The following ARFIP1 variants were observed in gnomAD, a reference collection of about 807,000 sequenced individuals.
The protein encoded by ARFIP1 is arfaptin-1.
A neutral mutation model predicts 42.5 loss-of-function variants in ARFIP1; 24 were observed. The observed-to-expected ratio is 0.57, with a 90% confidence interval of 0.41 to 0.80. ARFIP1 has a LOEUF of 0.80. ARFIP1 is among the 30% of genes least tolerant of loss of function. The probability of loss-of-function intolerance (pLI) is 0.00; values close to 1 mark genes in which losing one functional copy is unlikely to be tolerated. For synonymous variants in ARFIP1, 141 were observed against 153.7 expected, an observed-to-expected ratio of 0.92 and a Z score of 0.61; for missense variants, 354 against 434.0, an observed-to-expected ratio of 0.82 and a Z score of 1.64.
At chr4:152,784,839 A>G (rs114495262) in intron 1 of ARFIP1, among the ~76,000 whole-genome samples, 78 of 152,376 alleles carry the variant, frequency 5.1e-4, no homozygotes, top group African/African-American at 1.7e-3. Flanking sequence ...ATAAGAATTT[A>G]TATTTTATTT....
intron 5 of ARFIP1, among the ~76,000 whole-genome samples, chr4:152,873,617 G>A (rs1434929370): frequency 6.6e-6 from 1 of 152,106 alleles, no homozygotes; most frequent in Non-Finnish European, 1.5e-5. Context: ...ATTCCACATA[G>A]CCAGTCAGTC....
chr4:152,892,762 C>T (rs1028373956), intron 8 of ARFIP1, among the ~76,000 whole-genome samples: 3 of 152,120 alleles, frequency 2.0e-5, no homozygotes, highest in Non-Finnish European at 4.4e-5. Context: ...AGTTATAGTT[C>T]GTATTTTCTG....
chr4:152,890,527 A>G (rs1324066867), intron 8 of ARFIP1, among the ~76,000 whole-genome samples: 2 of 152,198 alleles, frequency 1.3e-5, no homozygotes, highest in Non-Finnish European at 2.9e-5. Context: ...TTATAGCCAA[A>G]TGAAATGATT....
At chr4:152,844,413 A>G (rs535520496) in intron 2 of ARFIP1, among the ~76,000 whole-genome samples, 9 of 152,366 alleles carry the variant, frequency 5.9e-5, no homozygotes, top group Middle Eastern at 3.4e-3. Flanking sequence ...AAACTGCAAC[A>G]TATCAGTATG....
intron 8 of ARFIP1, among the ~76,000 whole-genome samples, chr4:152,905,564 T>C (rs1738275407): frequency 7.7e-6 from 1 of 129,182 alleles, no homozygotes; most frequent in African/African-American, 2.9e-5. Context: ...TTTTTTTTTT[T>C]TTTTTTGAGA....
intron 2 of ARFIP1, among the ~76,000 whole-genome samples, chr4:152,838,618 C>G (rs1332239142): frequency 6.6e-6 from 1 of 152,094 alleles, no homozygotes; most frequent in Admixed American, 6.6e-5. Context: ...ACTGATTTGC[C>G]TAGATTCATC....
At chr4:152,846,198 G>A (rs1268414335) in intron 2 of ARFIP1, among the ~76,000 whole-genome samples, 4 of 152,090 alleles carry the variant, frequency 2.6e-5, no homozygotes, top group African/African-American at 9.7e-5. Flanking sequence ...AACTGGGAAC[G>A]ACTAGAGTAG....
intron 2 of ARFIP1, among the ~76,000 whole-genome samples, chr4:152,863,144 C>T (rs984365520): frequency 5.3e-5 from 8 of 152,132 alleles, no homozygotes; most frequent in African/African-American, 1.9e-4. Flanking sequence ...TGATTGAAGT[C>T]AGAGAAGCCC....
intron 8 of ARFIP1, among the ~76,000 whole-genome samples, chr4:152,889,938 C>T (rs574302467): frequency 7.3e-6 from 1 of 137,534 alleles, no homozygotes; most frequent in Non-Finnish European, 1.5e-5. Flanking sequence ...ACTATACATA[C>T]ACTATATATT....
intron 1 of ARFIP1, among the ~76,000 whole-genome samples, chr4:152,795,379 T>G (rs1166650131): frequency 1.3e-5 from 2 of 152,186 alleles, no homozygotes; most frequent in African/African-American, 4.8e-5. Flanking sequence ...GTTGCATAAC[T>G]TGGATGTACC....
intron 1 of ARFIP1, among the ~76,000 whole-genome samples, chr4:152,822,864 G>T (rs1397287501): frequency 6.6e-6 from 1 of 152,108 alleles, no homozygotes; most frequent in Non-Finnish European, 1.5e-5. Context: ...TGCAGTGAAT[G>T]ATAACAGTGA....
At chr4:152,808,894 C>G (rs1259608408) in intron 1 of ARFIP1, among the ~76,000 whole-genome samples, 2 of 152,042 alleles carry the variant, frequency 1.3e-5, no homozygotes, top group African/African-American at 4.8e-5. Context: ...TATGGTGAAA[C>G]CCCGTGGTGT....
chr4:152,889,860 A>ATATATACTAATATATAGTGTATG (rs1561173942), intron 8 of ARFIP1, among the ~76,000 whole-genome samples: 4 of 127,668 alleles, frequency 3.1e-5, no homozygotes, highest in African/African-American at 1.2e-4. Flanking sequence ...TATATACTAT[A>ATATATACTAATATATAGTGTATG]TATACTATAT....
chr4:152,849,805 G>T (rs1032163382), intron 2 of ARFIP1, among the ~76,000 whole-genome samples: 1 of 152,204 alleles, frequency 6.6e-6, no homozygotes, highest in Non-Finnish European at 1.5e-5. Flanking sequence ...TTTAAAGTGA[G>T]AATCTAGAAG....
At position 152,863,698 on chromosome 4, in the gene ARFIP1, A is replaced by G. The variant is rs1484623282; in HGVS notation, c.186A>G (p.Glu62=). Residue 62 remains glutamate, a synonymous_variant, in exon 3 of 9, where the codon GAA becomes GAG. Coordinates refer to ENST00000353617, the MANE Select transcript of ARFIP1 (RefSeq NM_001025595.3). ...GFDNTKEGVI[E]AGAFQGSPAP... ...ACAATACCAAAGAGGGTGTTATTGA[A>G]GCAGGAGCATTTCAAGGTAAGAGCC... 6.2e-7 allele frequency: 1 copy of G among 1,606,850 alleles called. No homozygotes were observed. The highest frequency in any genetic ancestry group is 8.5e-7 in the Non-Finnish European group (1 of 1,174,098).
intron 2 of ARFIP1, among the ~76,000 whole-genome samples, chr4:152,836,607 G>T (rs1234097860): frequency 6.6e-6 from 1 of 152,042 alleles, no homozygotes; most frequent in Non-Finnish European, 1.5e-5. Context: ...TGGAGTAAAT[G>T]TCAGCTCCAA....
At position 152,870,802 on chromosome 4, in the gene ARFIP1, A is replaced by G. The variant is rs1734816607; in HGVS notation, c.252A>G (p.Ala84=). ...CTGTTATGTCTCCTAGCAGGGTTGCAGCTAGTCGACTGGCTCAGCAAGGAA... is the reference window on the plus strand; with the variant it reads ...CTGTTATGTCTCCTAGCAGGGTTGCGGCTAGTCGACTGGCTCAGCAAGGAA... ...LPSVMSPSRV[A]ASRLAQQGSD... is the part of the protein sequence containing the mutation. The change falls in exon 4 of 9, where the codon GCA becomes GCG. Residue 84 remains alanine, a synonymous_variant. Coordinates refer to ENST00000353617, the MANE Select transcript of ARFIP1 (RefSeq NM_001025595.3). 2 of 1,614,110 alleles carry G rather than the reference A, an allele frequency of 1.2e-6. No homozygotes were observed. Among genetic ancestry groups the G allele is most frequent in the East Asian group, 2.2e-5 (1 of 44,876 alleles).
chr4:152,878,940 TG>T (rs1412499641), intron 5 of ARFIP1, among the ~76,000 whole-genome samples: 12 of 152,216 alleles, frequency 7.9e-5, no homozygotes, highest in African/African-American at 2.9e-4. Flanking sequence ...AAGAAAAATA[TG>T]GGAATAAGTG....
chr4:152,900,263 G>A (rs1186864701), intron 8 of ARFIP1, among the ~76,000 whole-genome samples: 3 of 152,046 alleles, frequency 2.0e-5, no homozygotes, highest in Admixed American at 1.3e-4. Context: ...GAAAATCTCC[G>A]CACTCAGAAT....
Sources: gnomAD v4.1 joint callset for allele counts (sites outside exome capture counted in the v4.1 genomes callset) on GRCh38, gnomAD v4.1.1 for gene constraint, MANE v1.5 for transcripts, NCBI Gene and HGNC (gene_info 2026-07-23, HGNC 2026-07-21) for gene names.